Variants in ARHGAP28 observed in about 807,000 individuals in gnomAD.
ARHGAP28 encodes the protein Rho GTPase activating protein 28.
A neutral mutation model predicts 90.7 loss-of-function variants in ARHGAP28; 56 were observed. The ratio of observed to expected loss-of-function variants is 0.62; its 90% confidence interval spans 0.50 to 0.77. ARHGAP28 has a LOEUF of 0.77. Among genes scored for constraint, ARHGAP28 ranks in the 30% least tolerant of loss-of-function variants. The pLI is 0.00. For missense variants in ARHGAP28, 869 were observed against 900.9 expected (o/e 0.96, Z 0.45); for synonymous variants, 308 against 323.3 (o/e 0.95, Z 0.51).
intron 1 of ARHGAP28, 139 bp from the exon 2 acceptor site, chr18:6,824,623 A>C: frequency 1.4e-6 from 1 of 716,806 alleles, no homozygotes; most frequent in Admixed American, 3.2e-5. Flanking sequence ...TTATTCCCTC[A>C]AACCTATCTC....
chr18:6,876,906 T>TA (rs1349051904), intron 10 of ARHGAP28, among the ~76,000 whole-genome samples: 2 of 152,276 alleles, frequency 1.3e-5, no homozygotes, highest in Non-Finnish European at 2.9e-5. Context: ...GCTTTTCTCA[T>TA]AAAAATCCAG....
At chr18:6,841,157 T>TCACTGTCTCTCTCCTCTC (rs2056808776) in intron 3 of ARHGAP28, among the ~76,000 whole-genome samples, 2 of 70,278 alleles carry the variant, frequency 2.8e-5, no homozygotes, top group Non-Finnish European at 5.7e-5. Flanking sequence ...TCTCTCCTCT[T>TCACTGTCTCTCTCCTCTC]TCTCTCTCTC....
At position 6,890,279 on chromosome 18, in the gene ARHGAP28, T is replaced by C. The variant is rs114855295; in HGVS notation, c.1735-151T>C. On this transcript the variant is annotated intron_variant, in intron 13 of 17. Transcript: ENST00000383472. ...TTTCCCTTTGAAACAGGGATCCACA[T>C]AATTTTTTCTAAACTTTATAAGGAC... The C allele has an allele frequency of 1.8e-4, 136 of 770,524 alleles. No individual in the cohort carries two copies. In the African/African-American group the frequency reaches 2.1e-3, roughly 12 times the overall value. The allele number at this position is 770,524 out of a possible 1,614,324, so 47.7% of individuals were successfully genotyped here. A position where few individuals can be genotyped will look rare whatever the true frequency, so the allele number is the denominator to read the frequency against.
rs1199379194 is a variant in ARHGAP28, at chr18:6,899,242, TCTCCCTTACAACTAGAAA to T, written c.2030+2617_2030+2634del. On this transcript the variant is annotated intron_variant, in intron 16 of 17. Coordinates refer to ENST00000383472, the MANE Select transcript of ARHGAP28 (RefSeq NM_001366230.1). ...GAGAAGCCCCATTCCTTCCAGGTAC[TCTCCCTTACAACTAGAAA>T]ACCCTGGATAGTAACACAACAGAAA... is the stretch of plus-strand genomic sequence containing the variant. Among the ~76,000 whole-genome samples the T allele has an allele frequency of 2.6e-5, 4 of 152,118 alleles. No homozygotes were observed. The East Asian group carries it at 7.8e-4, about 30-fold the overall frequency.
At chr18:6,902,570 T>C (rs1385360278) in intron 16 of ARHGAP28, among the ~76,000 whole-genome samples, 1 of 152,204 alleles carries the variant, frequency 6.6e-6, no homozygotes, top group Admixed American at 6.5e-5. Flanking sequence ...GTGGTCCTCC[T>C]TTAACTTATG....
chr18:6,910,737 G>T (rs1231886968), intron 17 of ARHGAP28, among the ~76,000 whole-genome samples: 1 of 152,086 alleles, frequency 6.6e-6, no homozygotes, highest in Non-Finnish European at 1.5e-5. Context: ...TGTAAACCCA[G>T]CCCCTAGAAT....
chr18:6,839,760 T>C (rs1486253971), intron 3 of ARHGAP28, among the ~76,000 whole-genome samples: 2 of 152,230 alleles, frequency 1.3e-5, no homozygotes, highest in East Asian at 3.8e-4. Context: ...CAGGGTGGTA[T>C]ATTAGAAAAA....
intron 14 of ARHGAP28, among the ~76,000 whole-genome samples, chr18:6,891,760 T>A (rs549832170): frequency 1.3e-3 from 196 of 152,116 alleles, no homozygotes; most frequent in African/African-American, 4.5e-3. Context: ...GCTAACTTTT[T>A]AAAAAAAATT....
At chr18:6,833,821 T>C (rs976940921) in intron 2 of ARHGAP28, among the ~76,000 whole-genome samples, 42 of 152,184 alleles carry the variant, frequency 2.8e-4, no homozygotes, top group African/African-American at 9.4e-4. Flanking sequence ...AACATCCCAC[T>C]CTACACCAAG....
At chr18:6,831,471 G>GTTTTTTTTTTTTTT (rs57331018) in intron 2 of ARHGAP28, among the ~76,000 whole-genome samples, 5 of 109,306 alleles carry the variant, frequency 4.6e-5, no homozygotes, top group East Asian at 2.7e-4. Context: ...GTATCTTGAT[G>GTTTTTTTTTTTTTT]TTTTTTTTTT....
At chr18:6,872,171 A>G (rs1051404594) in intron 7 of ARHGAP28, among the ~76,000 whole-genome samples, 1 of 152,220 alleles carries the variant, frequency 6.6e-6, no homozygotes, top group African/African-American at 2.4e-5. Context: ...TGGCCCCTGC[A>G]TCTCCTCATC....
At chr18:6,793,855 A>G (rs953772910) in intron 1 of ARHGAP28, among the ~76,000 whole-genome samples, 2 of 152,064 alleles carry the variant, frequency 1.3e-5, no homozygotes, top group African/African-American at 4.8e-5. Flanking sequence ...ATCAATATGG[A>G]AGTGTCCGAG....
intron 1 of ARHGAP28, among the ~76,000 whole-genome samples, chr18:6,731,377 C>G (rs867902262): frequency 4.6e-5 from 7 of 152,010 alleles, no homozygotes; most frequent in Non-Finnish European, 4.4e-5. Flanking sequence ...GCTGTCCTGT[C>G]TATAATTCCC....
rs186270858 is a variant in ARHGAP28, at chr18:6,748,105, T to C, written c.122+18162T>C. Among the ~76,000 whole-genome samples, 656 of 152,356 alleles carry C rather than the reference T, an allele frequency of 4.3e-3. 5 individuals are homozygous for C. Among genetic ancestry groups the C allele is most frequent in the Non-Finnish European group, 7.0e-3 (479 of 68,032 alleles). On this transcript the variant is annotated intron_variant, in intron 1 of 17. Transcript: ENST00000383472. Reference sequence around the variant, plus strand: ...CACAGGTGCTGTGGAATGCACCGTTTGCTGTGAAAGTGGTGAAGGAGATCC... The same window carrying C: ...CACAGGTGCTGTGGAATGCACCGTTCGCTGTGAAAGTGGTGAAGGAGATCC...
chr18:6,747,284 A>C (rs1327951445), intron 1 of ARHGAP28, among the ~76,000 whole-genome samples: 2 of 152,058 alleles, frequency 1.3e-5, no homozygotes, highest in Non-Finnish European at 2.9e-5. Flanking sequence ...GGACATGTGG[A>C]TATGGTGTGA....
intron 1 of ARHGAP28, among the ~76,000 whole-genome samples, chr18:6,732,501 A>G (rs1019891507): frequency 6.7e-6 from 1 of 150,332 alleles, no homozygotes; most frequent in Non-Finnish European, 1.5e-5. Context: ...CTAACCATTT[A>G]AAAAAAAAAT....
intron 11 of ARHGAP28, among the ~76,000 whole-genome samples, chr18:6,883,131 TAG>T (rs2057192344): frequency 6.6e-6 from 1 of 152,160 alleles, no homozygotes; most frequent in Non-Finnish European, 1.5e-5. Context: ...ACACCCCATC[TAG>T]AGACATTGAC....
intron 1 of ARHGAP28, among the ~76,000 whole-genome samples, chr18:6,747,816 A>G (rs564698814): frequency 1.3e-5 from 2 of 152,290 alleles, no homozygotes; most frequent in African/African-American, 4.8e-5. Flanking sequence ...CACATTTAGT[A>G]GAGACATACA....
At chr18:6,826,286 CAT>C (rs1265827659) in intron 2 of ARHGAP28, among the ~76,000 whole-genome samples, 1 of 151,926 alleles carries the variant, frequency 6.6e-6, no homozygotes, top group Non-Finnish European at 1.5e-5. Context: ...TTTTGAAAAG[CAT>C]ATGTTCATAT....
Sources: gnomAD v4.1 joint callset for allele counts (sites outside exome capture counted in the v4.1 genomes callset) on GRCh38, gnomAD v4.1.1 for gene constraint, MANE v1.5 for transcripts, NCBI Gene and HGNC (gene_info 2026-07-23, HGNC 2026-07-21) for gene names.